Variants in GLI3 observed in about 807,000 individuals in gnomAD.
GLI3 encodes the protein GLI family zinc finger 3.
GLI3 carries 20 observed loss-of-function variants against 100.8 expected under a neutral mutation model. The observed-to-expected ratio is 0.20, with a 90% CI of 0.14 to 0.29. The LOEUF is 0.29. GLI3 is among the 10% of genes least tolerant of loss of function. The probability of loss-of-function intolerance (pLI) is 1.00; values close to 1 mark genes in which losing one functional copy is unlikely to be tolerated. For missense variants in GLI3, 2,040 were observed against 2,128.5 expected (o/e 0.96, Z 0.82); for synonymous variants, 938 against 860.5 (o/e 1.09, Z -1.58).
chr7:42,158,961 C>T (rs3801210), intron 2 of GLI3, among the ~76,000 whole-genome samples: 46,443 of 151,932 alleles, frequency 0.31, 7,240 homozygotes, highest in Non-Finnish European at 0.33. Context: ...CTTCTGTTGT[C>T]GCTGTTGTTA....
intron 1 of GLI3, among the ~76,000 whole-genome samples, chr7:42,259,352 T>A (rs1279324015): frequency 6.6e-6 from 1 of 152,224 alleles, no homozygotes; most frequent in Non-Finnish European, 1.5e-5. Context: ...GGTAGCATTA[T>A]CTTTAGGGCT....
chr7:42,225,308 C>G (rs1221403611), intron 1 of GLI3, among the ~76,000 whole-genome samples: 1 of 152,074 alleles, frequency 6.6e-6, no homozygotes. Flanking sequence ...GCAAGCGTTA[C>G]TAATTGTCAG....
intron 3 of GLI3, among the ~76,000 whole-genome samples, chr7:42,118,634 T>A (rs1307354213): frequency 6.6e-6 from 1 of 152,228 alleles, no homozygotes. Context: ...TCACTAAGAA[T>A]GTGAAGCTGT....
intron 3 of GLI3, among the ~76,000 whole-genome samples, chr7:42,123,184 C>T (rs183742976): frequency 6.6e-6 from 1 of 152,200 alleles, no homozygotes; most frequent in East Asian, 1.9e-4. Flanking sequence ...ACCAGGCCAA[C>T]ACTTTTTTCA....
In GLI3 at chr7:41,987,884, C is replaced by T. The variant is rs1787874329; in HGVS notation, c.1498-9136G>A. ...CATAATTTATCTAGCTGACCCTCCA[C>T]CCTACCCTAAGGAATGCACATGTCG... On this transcript the variant is annotated intron_variant, in intron 10 of 14. Transcript: ENST00000395925. Among the ~76,000 whole-genome samples the T allele has an allele frequency of 3.9e-5, 6 of 152,270 alleles. No homozygotes were observed. In the South Asian group the frequency reaches 1.0e-3, roughly 26 times the overall value.
intron 2 of GLI3, among the ~76,000 whole-genome samples, chr7:42,160,155 G>A (rs1292274138): frequency 2.0e-5 from 3 of 152,216 alleles, no homozygotes; most frequent in Non-Finnish European, 4.4e-5. Flanking sequence ...GCATATGAAA[G>A]AGAGCTTTAT....
intron 2 of GLI3, chr7:42,151,810 A>G (rs1786871389): frequency 6.6e-6 from 1 of 152,190 alleles, no homozygotes; most frequent in Admixed American, 6.5e-5. Flanking sequence ...AGCTGCCCAA[A>G]GCATCACGTT....
At chr7:41,980,246 T>A (rs997713027) in intron 10 of GLI3, among the ~76,000 whole-genome samples, 5 of 152,202 alleles carry the variant, frequency 3.3e-5, no homozygotes, top group Admixed American at 6.5e-5. Flanking sequence ...GGGTTTCCTA[T>A]GAAAAGCCAG....
At chr7:42,018,320 G>A (rs903948968) in intron 10 of GLI3, among the ~76,000 whole-genome samples, 5 of 152,128 alleles carry the variant, frequency 3.3e-5, no homozygotes, top group African/African-American at 7.2e-5. Context: ...GGGAAAATAA[G>A]ATCAAAATCT....
chr7:42,052,485 T>C (rs1426140139), intron 4 of GLI3, among the ~76,000 whole-genome samples: 1 of 152,082 alleles, frequency 6.6e-6, no homozygotes, highest in Non-Finnish European at 1.5e-5. Context: ...GATTTGAAGG[T>C]TTCTTCACTT....
intron 7 of GLI3, 50 bp from the exon 8 acceptor site, chr7:42,026,462 A>C: frequency 4.5e-6 from 6 of 1,329,310 alleles, no homozygotes; most frequent in Non-Finnish European, 5.4e-6. Flanking sequence ...CGCTGAGCTC[A>C]GACAAGTACA....
At chr7:41,967,944 G>A in intron 13 of GLI3, 21 bp from the exon 14 acceptor site, 1 of 1,596,892 alleles carries the variant, frequency 6.3e-7, no homozygotes, top group Non-Finnish European at 8.6e-7. Context: ...CAAGTGGAAA[G>A]GAAAGAAATG....
At chr7:42,237,693 C>T (rs1002854369), upstream of GLI3, 5 of 152,180 alleles carry the variant, frequency 3.3e-5, no homozygotes, top group African/African-American at 1.2e-4. Context: ...CTTTCAGCCA[C>T]TCTCGGGCTC....
At chr7:42,107,118 C>A (rs945759397) in intron 3 of GLI3, among the ~76,000 whole-genome samples, 3 of 151,876 alleles carry the variant, frequency 2.0e-5, no homozygotes, top group African/African-American at 7.3e-5. Context: ...GAGTTTGAGA[C>A]CAGCCTGGGC....
At chr7:42,073,232 A>G (rs1784817303) in intron 4 of GLI3, among the ~76,000 whole-genome samples, 4 of 152,312 alleles carry the variant, frequency 2.6e-5, no homozygotes, top group East Asian at 3.9e-4. Context: ...TCAAGTTTCT[A>G]TACTCATTCT....
intron 3 of GLI3, among the ~76,000 whole-genome samples, chr7:42,141,405 C>T (rs1179188100): frequency 1.3e-5 from 2 of 152,186 alleles, no homozygotes; most frequent in African/African-American, 2.4e-5. Context: ...AGTGAGGTGG[C>T]TCAAGCCTGT....
At chr7:42,169,098 A>G (rs1296604853) in intron 2 of GLI3, among the ~76,000 whole-genome samples, 1 of 152,116 alleles carries the variant, frequency 6.6e-6, no homozygotes, top group Non-Finnish European at 1.5e-5. Context: ...TTCTACATGC[A>G]TATTCTCTTT....
At chr7:42,231,407 T>C (rs1272879434) in intron 1 of GLI3, among the ~76,000 whole-genome samples, 2 of 152,246 alleles carry the variant, frequency 1.3e-5, no homozygotes, top group Non-Finnish European at 2.9e-5. Context: ...CATGGTCCAC[T>C]TACCCTATAA....
chr7:42,116,182 A>T (rs1288848751), intron 3 of GLI3, among the ~76,000 whole-genome samples: 1 of 152,142 alleles, frequency 6.6e-6, no homozygotes, highest in African/African-American at 2.4e-5. Context: ...TTCAAATTCA[A>T]ACGTGGAGAA....
Sources: allele counts gnomAD v4.1 joint callset (sites outside exome capture counted in the v4.1 genomes callset), GRCh38; gene constraint gnomAD v4.1.1; transcripts MANE v1.5; gene names NCBI Gene and HGNC (gene_info 2026-07-23, HGNC 2026-07-21).